DLGAP2: variants seen among roughly 807,000 people sequenced by gnomAD.
The protein encoded by DLGAP2 is disks large-associated protein 2.
A neutral mutation model predicts 100.3 loss-of-function variants in DLGAP2; 26 were observed. The observed-to-expected ratio is 0.26, with a 90% CI of 0.19 to 0.36. The LOEUF (loss-of-function observed/expected upper bound fraction) is 0.36. Ranked by LOEUF, DLGAP2 falls within the 10% of genes least tolerant of loss-of-function variation. The probability of loss-of-function intolerance (pLI) is 1.00; values close to 1 mark genes in which losing one functional copy is unlikely to be tolerated. For synonymous variants in DLGAP2, 886 were observed against 630.1 expected, an observed-to-expected ratio of 1.41 and a Z score of -6.08; for missense variants, 1,858 against 1,453.2, an observed-to-expected ratio of 1.28 and a Z score of -4.53.
intron 2 of DLGAP2, among the ~76,000 whole-genome samples, chr8:1,160,116 C>T (rs556616963): frequency 2.0e-5 from 3 of 152,210 alleles, no homozygotes; most frequent in African/African-American, 4.8e-5. Context: ...CGCCGCGGCC[C>T]GTGGGTTCGG....
At chr8:1,388,883 G>T (rs1796281292) in intron 3 of DLGAP2, among the ~76,000 whole-genome samples, 1 of 134,582 alleles carries the variant, frequency 7.4e-6, no homozygotes, top group South Asian at 2.7e-4. Flanking sequence ...GGAGGCGCTG[G>T]TTCAAGTGTC....
intron 2 of DLGAP2, among the ~76,000 whole-genome samples, chr8:1,160,037 G>A (rs528228148): frequency 2.6e-5 from 4 of 152,288 alleles, no homozygotes; most frequent in African/African-American, 9.6e-5. Context: ...TGTGATGACC[G>A]TCGTCGTAAA....
intron 2 of DLGAP2, among the ~76,000 whole-genome samples, chr8:1,131,219 C>G (rs569787387): frequency 6.6e-6 from 1 of 152,246 alleles, no homozygotes; most frequent in East Asian, 1.9e-4. Context: ...CACTCAGAGT[C>G]AGGGGTGCCG....
intron 3 of DLGAP2, among the ~76,000 whole-genome samples, chr8:1,490,754 C>G (rs896486641): frequency 6.6e-6 from 1 of 152,062 alleles, no homozygotes; most frequent in Non-Finnish European, 1.5e-5. Context: ...AATCTCTGGG[C>G]TGGGGCATGA....
chr8:1,637,336 G>GA (rs1797790360), intron 8 of DLGAP2, among the ~76,000 whole-genome samples: 1 of 152,094 alleles, frequency 6.6e-6, no homozygotes, highest in South Asian at 2.1e-4. Context: ...CTGAAAACCA[G>GA]AAGATTCCTC....
intron 6 of DLGAP2, chr8:1,619,603 A>G (rs1305248219): frequency 6.6e-6 from 1 of 152,234 alleles, no homozygotes; most frequent in Non-Finnish European, 1.5e-5. Context: ...TCGAGTCACA[A>G]TACAGGTCTT....
rs574981522 is a variant in DLGAP2, at chr8:1,704,051, G to A, written c.*2645G>A. The A allele has an allele frequency of 2.5e-4, 38 of 152,754 alleles. No homozygotes were observed. The highest frequency in any genetic ancestry group is 8.9e-4 in the African/African-American group (37 of 41,578). The allele number at this position is 152,754 out of a possible 1,614,324, so 9.5% of individuals were successfully genotyped here. ...AGGTGACATTCTACCATGAAACGCA[G>A]AAGATAAGCCATGTTTCTGTATTGT... On this transcript the variant is annotated 3_prime_UTR_variant, in exon 15 of 15. Coordinates refer to ENST00000637795, the MANE Select transcript of DLGAP2 (RefSeq NM_001346810.2).
At chr8:975,121 G>A (rs1418862401) in intron 2 of DLGAP2, among the ~76,000 whole-genome samples, 1 of 152,178 alleles carries the variant, frequency 6.6e-6, no homozygotes, top group Non-Finnish European at 1.5e-5. Context: ...ATAACTCTGT[G>A]TCCAAGAATT....
intron 8 of DLGAP2, among the ~76,000 whole-genome samples, chr8:1,635,308 C>G (rs576101241): frequency 1.3e-5 from 2 of 152,166 alleles, no homozygotes; most frequent in Non-Finnish European, 2.9e-5. Flanking sequence ...TCAACATGTA[C>G]GGGATGTAGG....
intron 3 of DLGAP2, among the ~76,000 whole-genome samples, chr8:1,473,450 A>G (rs192941203): frequency 1.4e-3 from 208 of 152,274 alleles, no homozygotes; most frequent in Non-Finnish European, 2.6e-3. Flanking sequence ...TTGTAAAACA[A>G]CCAGAAAATG....
At chr8:895,472 C>A (rs1192230042) in intron 1 of DLGAP2, among the ~76,000 whole-genome samples, 1 of 152,172 alleles carries the variant, frequency 6.6e-6, no homozygotes, top group Non-Finnish European at 1.5e-5. Context: ...GTCCCCCCTT[C>A]TGAGACCACA....
At chr8:1,261,049 T>C (rs566048900) in intron 3 of DLGAP2, among the ~76,000 whole-genome samples, 45 of 152,330 alleles carry the variant, frequency 3.0e-4, no homozygotes, top group African/African-American at 1.1e-3. Flanking sequence ...TCGTTCCTGC[T>C]CTAGAAGGCA....
At chr8:1,422,364 C>T (rs765758520) in intron 3 of DLGAP2, among the ~76,000 whole-genome samples, 4 of 152,038 alleles carry the variant, frequency 2.6e-5, no homozygotes, top group Non-Finnish European at 2.9e-5. Context: ...CCACTGCAAG[C>T]GAAGTTACAC....
intron 1 of DLGAP2, among the ~76,000 whole-genome samples, chr8:783,845 C>G (rs1821765447): frequency 6.6e-6 from 1 of 152,148 alleles, no homozygotes; most frequent in Non-Finnish European, 1.5e-5. Context: ...AAGTTAGTGA[C>G]TCTAATCAAT....
In DLGAP2 at chr8:941,475, C is replaced by T. The variant is rs548658603; in HGVS notation, c.73+33509C>T. Among the ~76,000 whole-genome samples, 28 of 152,242 alleles carry T rather than the reference C, an allele frequency of 1.8e-4. No individual in the cohort carries two copies. The South Asian group carries it at 4.1e-3, about 23-fold the overall frequency. ...GAAACCCGTCAGACTCTAGATGCCACGAGGGCTCATTACTAACTAAAAAGT... is the reference window on the plus strand; with the variant it reads ...GAAACCCGTCAGACTCTAGATGCCATGAGGGCTCATTACTAACTAAAAAGT... On this transcript the variant is annotated intron_variant, in intron 2 of 14. Coordinates refer to ENST00000637795, the MANE Select transcript of DLGAP2 (RefSeq NM_001346810.2).
At chr8:819,269 C>A (rs1187404755) in intron 1 of DLGAP2, among the ~76,000 whole-genome samples, 2 of 152,184 alleles carry the variant, frequency 1.3e-5, no homozygotes, top group East Asian at 3.9e-4. Context: ...ATTTAAAAAA[C>A]CCCTCATGAC....
At chr8:1,534,042 T>G (rs1391594991) in intron 4 of DLGAP2, among the ~76,000 whole-genome samples, 1 of 152,222 alleles carries the variant, frequency 6.6e-6, no homozygotes, top group East Asian at 1.9e-4. Context: ...AAACAAGCAT[T>G]CTTCTTTTGC....
intron 3 of DLGAP2, among the ~76,000 whole-genome samples, chr8:1,455,287 C>A (rs986492779): frequency 6.6e-6 from 1 of 152,230 alleles, no homozygotes; most frequent in African/African-American, 2.4e-5. Flanking sequence ...GATTCTCATG[C>A]GCTGGGGCAG....
chr8:1,140,849 T>G (rs1796509049), intron 2 of DLGAP2, among the ~76,000 whole-genome samples: 1 of 152,170 alleles, frequency 6.6e-6, no homozygotes, highest in Non-Finnish European at 1.5e-5. Flanking sequence ...GGCATATGCC[T>G]GTAATCCCAG....
Sources: gnomAD v4.1 joint callset for allele counts (sites outside exome capture counted in the v4.1 genomes callset) on GRCh38, gnomAD v4.1.1 for gene constraint, MANE v1.5 for transcripts, NCBI Gene and HGNC (gene_info 2026-07-23, HGNC 2026-07-21) for gene names.